HSPD1: variants seen among roughly 807,000 people sequenced by gnomAD.
HSPD1 encodes heat shock protein family D (Hsp60) member 1.
Under a neutral mutation model 53.0 loss-of-function variants are expected in HSPD1, and 3 were observed. The observed-to-expected ratio is 0.06, with a 90% CI of 0.03 to 0.15. HSPD1 has a LOEUF of 0.15. HSPD1 is among the 10% of genes least tolerant of loss of function. The pLI is 1.00. For missense variants in HSPD1, 431 were observed against 694.1 expected, an observed-to-expected ratio of 0.62 and a Z score of 4.26; for synonymous variants, 200 against 228.0, an observed-to-expected ratio of 0.88 and a Z score of 1.10.
rs911192950 is a variant in HSPD1, at chr2:197,490,125, A to G, written c.969+72T>C. 7.3e-6 allele frequency: 8 copies of G among 1,090,230 alleles called. No individual in the cohort carries two copies. In the African/African-American group the frequency reaches 9.3e-5, roughly 13 times the overall value. 67.5% of individuals were successfully genotyped at this position (1,090,230 alleles called of 1,614,324 possible). On this transcript the variant is annotated intron_variant, in intron 8 of 11. Coordinates refer to ENST00000388968, the MANE Select transcript of HSPD1 (RefSeq NM_002156.5). ...GATAGTTGTAGTATCTAATTGTGAA[A>G]TGTTAAACTATCTATAAATTCCAGA...
chr2:197,490,873 C>T (rs1041412762), intron 7 of HSPD1, among the ~76,000 whole-genome samples: 1 of 152,178 alleles, frequency 6.6e-6, no homozygotes, highest in Non-Finnish European at 1.5e-5. Context: ...TTTGAATGAG[C>T]AATGTTCTGA....
At position 197,494,416 on chromosome 2, in the gene HSPD1, C is replaced by G. The variant is rs1028015440; in HGVS notation, c.607-166G>C. The G allele has an allele frequency of 9.4e-6, 6 of 639,958 alleles. No individual in the cohort carries two copies. The African/African-American group carries it at 1.1e-4, about 12-fold the overall frequency. 39.6% of individuals were successfully genotyped at this position (639,958 alleles called of 1,614,324 possible). On this transcript the variant is annotated intron_variant, in intron 5 of 11. Coordinates refer to ENST00000388968, the MANE Select transcript of HSPD1 (RefSeq NM_002156.5). ...ACTTCTGCAAAAAATCCCAAAAGTG[C>G]TTATTTGAATAATCATTTAAGTTAG... is the stretch of plus-strand genomic sequence containing the variant.
chr2:197,495,311 G>A lies in HSPD1; in HGVS notation c.493C>T (p.Pro165Ser). 1.2e-6 allele frequency: 2 copies of A among 1,604,402 alleles called. No individual in the cohort carries two copies. The highest frequency in any genetic ancestry group is 1.7e-6 in the Non-Finnish European group (2 of 1,171,542). Reference protein sequence around the residue: ...LKKQSKPVTTPEEIAQVATIS... With the variant: ...LKKQSKPVTTSEEIAQVATIS... ...GTCCTTACCTGTGCAATTTCTTCAGGGGTGGTCACAGGTTTAGACTGCTTT... is the reference window on the plus strand; with the variant it reads ...GTCCTTACCTGTGCAATTTCTTCAGAGGTGGTCACAGGTTTAGACTGCTTT... The change falls in exon 4 of 12, where the codon CCT becomes TCT. Residue 165 changes from proline to serine, a missense_variant. Pro to Ser is a moderately conservative substitution (Grantham distance 74). Around this residue, in one of 2 missense-constraint regions of HSPD1, gnomAD observed 386 missense variants for 657.6 expected, o/e 0.59. Transcript: ENST00000388968.
intron 3 of HSPD1, among the ~76,000 whole-genome samples, chr2:197,496,242 G>C (rs2086155680): frequency 6.6e-6 from 1 of 152,192 alleles, no homozygotes; most frequent in South Asian, 2.1e-4. Flanking sequence ...TCTCTTGTTT[G>C]AGAACTGTTA....
chr2:197,490,259 G>C lies in HSPD1; in HGVS notation c.907C>G (p.Pro303Ala). 6.2e-7 allele frequency: 1 copy of C among 1,613,938 alleles called. No homozygotes were observed. The highest frequency in any genetic ancestry group is 8.5e-7 in the Non-Finnish European group (1 of 1,179,954). ...VGLQVVAVKA[P>A]GFGDNRKNQL... ...TTCTTTCTATTGTCACCAAACCCTG[G>C]AGCCTTGACTGCCACAACCTGAAGA... is the stretch of plus-strand genomic sequence containing the variant. Residue 303 changes from proline to alanine, a missense_variant, in exon 8 of 12, where the codon CCA becomes GCA. Coordinates refer to ENST00000388968, the MANE Select transcript of HSPD1 (RefSeq NM_002156.5).
Position 197,497,129 on chromosome 2 carries a change from G to C in HSPD1, c.427+11C>G. On this transcript the variant is annotated intron_variant, in intron 3 of 11. Coordinates refer to ENST00000388968, the MANE Select transcript of HSPD1 (RefSeq NM_002156.5). ...AGTTTAGAACACTGTGGTGACAACAGACATTCCTACCTCTCCTGATTTCCA... is the reference window on the plus strand; with the variant it reads ...AGTTTAGAACACTGTGGTGACAACACACATTCCTACCTCTCCTGATTTCCA... 1 of 1,613,746 alleles carries C rather than the reference G, an allele frequency of 6.2e-7. No individual in the cohort carries two copies. Among genetic ancestry groups the C allele is most frequent in the Non-Finnish European group, 8.5e-7 (1 of 1,179,656 alleles).
At chr2:197,499,220 C>T (rs1559304815) in intron 1 of HSPD1, 2 of 361,806 alleles carry the variant, frequency 5.5e-6, no homozygotes, top group East Asian at 1.4e-4. Flanking sequence ...AGGCAAGTTA[C>T]AAATCCAAGT....
Position 197,497,479 on chromosome 2 carries a change from T to G in HSPD1, c.175-87A>C, listed in dbSNP as rs1039735644. ...TGAGCAGTCTTCATAATAAAGCAAC[T>G]ACTTCAAAGTCTCAACGTAAGTTGT... On this transcript the variant is annotated intron_variant, in intron 2 of 11. Coordinates refer to ENST00000388968, the MANE Select transcript of HSPD1 (RefSeq NM_002156.5). 17 of 1,309,622 alleles carry G rather than the reference T, an allele frequency of 1.3e-5. No homozygotes were observed. The Admixed American group carries it at 2.9e-4, about 22-fold the overall frequency. The allele number at this position is 1,309,622 out of a possible 1,614,324, so 81.1% of individuals were successfully genotyped here. A position where few individuals can be genotyped will look rare whatever the true frequency, so the allele number is the denominator to read the frequency against.
At chr2:197,494,051 A>G in intron 6 of HSPD1, 106 bp downstream of exon 6, 1 of 653,090 alleles carries the variant, frequency 1.5e-6, no homozygotes, top group Non-Finnish European at 2.8e-6. Context: ...GCAGTGAGCA[A>G]CGCGCCACCA....
At chr2:197,498,253 T>C (rs1159890362) in intron 2 of HSPD1, among the ~76,000 whole-genome samples, 1 of 152,174 alleles carries the variant, frequency 6.6e-6, no homozygotes, top group East Asian at 1.9e-4. Flanking sequence ...TTATGTTGTG[T>C]ACATTTTACT....
At chr2:197,494,632 T>G (rs748930817) in intron 5 of HSPD1, 25 bp downstream of exon 5, 19 of 1,413,022 alleles carry the variant, frequency 1.3e-5, no homozygotes, top group Middle Eastern at 2.0e-4. Flanking sequence ...CTCAAAATTA[T>G]CTTTAAAAAT....
At chr2:197,495,418 A>C in intron 3 of HSPD1, 42 bp from the exon 4 acceptor site, 5 of 1,167,624 alleles carry the variant, frequency 4.3e-6, no homozygotes, top group Non-Finnish European at 6.5e-6. Context: ...TATTTCTCTC[A>C]TGGCTTCTAT....
At chr2:197,498,387 A>G (rs967488029) in intron 2 of HSPD1, among the ~76,000 whole-genome samples, 5 of 152,376 alleles carry the variant, frequency 3.3e-5, no homozygotes, top group African/African-American at 1.2e-4. Context: ...TTTTAACTTA[A>G]GCCAGCGAAA....
chr2:197,490,496 C>A, intron 7 of HSPD1, 200 bp from the exon 8 acceptor site: 3 of 588,036 alleles, frequency 5.1e-6, no homozygotes, highest in Non-Finnish European at 6.0e-6. Flanking sequence ...AGGCTATTTT[C>A]TATTAATTAT....
At chr2:197,497,028 G>C (rs1022257883) in intron 3 of HSPD1, 112 bp downstream of exon 3, 28 of 1,082,084 alleles carry the variant, frequency 2.6e-5, no homozygotes, top group Non-Finnish European at 3.5e-5. Context: ...CCAAGAGGAG[G>C]AATGAGAGAA....
Position 197,490,182 on chromosome 2 carries a change from A to G in HSPD1, c.969+15T>C. ...TAAACATTCAGCAAACCATTATCAC[A>G]TTTATTTTACTTACTGCACCACCAG... On this transcript the variant is annotated intron_variant, in intron 8 of 11. Transcript: ENST00000388968. 1.3e-6 allele frequency: 2 copies of G among 1,540,276 alleles called. No individual in the cohort carries two copies. Among genetic ancestry groups the G allele is most frequent in the Non-Finnish European group, 1.8e-6 (2 of 1,113,318 alleles).
chr2:197,490,051 TA>T (rs2086072191), intron 8 of HSPD1, 145 bp downstream of exon 8: 1 of 704,966 alleles, frequency 1.4e-6, no homozygotes, highest in Non-Finnish European at 2.6e-6. Flanking sequence ...TGTGGCAAAT[TA>T]ACGGGAATTT....
At chr2:197,494,885 A>G (rs2086138943) in intron 4 of HSPD1, 133 bp from the exon 5 acceptor site, 5 of 710,672 alleles carry the variant, frequency 7.0e-6, no homozygotes, top group Non-Finnish European at 1.3e-5. Flanking sequence ...ACGTTATGGT[A>G]GTTTTCATGA....
intron 2 of HSPD1, 142 bp downstream of exon 2, chr2:197,498,533 C>T: frequency 1.3e-6 from 1 of 795,678 alleles, no homozygotes. Flanking sequence ...AAAAGGCTAA[C>T]CAATACTTCA....
Sources: allele counts gnomAD v4.1 joint callset (sites outside exome capture counted in the v4.1 genomes callset), GRCh38; gene constraint gnomAD v4.1.1; regional missense constraint gnomAD v4.1.1; transcripts MANE v1.5; gene names NCBI Gene and HGNC (gene_info 2026-07-23, HGNC 2026-07-21).